Variants in PPM1H observed in about 807,000 individuals in gnomAD.
The protein encoded by PPM1H is protein phosphatase 1H.
In PPM1H, 27 loss-of-function variants were observed where a neutral mutation model predicts 54.9. That is an observed-to-expected ratio of 0.49 (90% CI 0.36 to 0.68). The LOEUF (loss-of-function observed/expected upper bound fraction) is 0.68, where lower values mean the gene tolerates loss of function less well. Ranked by LOEUF, PPM1H falls within the 30% of genes least tolerant of loss-of-function variation. The probability of loss-of-function intolerance (pLI) is 0.00; values close to 1 mark genes in which losing one functional copy is unlikely to be tolerated. For missense variants in PPM1H, 596 were observed against 667.8 expected (o/e 0.89, Z 1.19); for synonymous variants, 305 against 270.8 (o/e 1.13, Z -1.24).
intron 5 of PPM1H, among the ~76,000 whole-genome samples, chr12:62,721,874 A>T (rs2076265723): frequency 6.6e-6 from 1 of 152,084 alleles, no homozygotes; most frequent in African/African-American, 2.4e-5. Flanking sequence ...TGATTATTGA[A>T]TCCTATTATA....
At chr12:62,754,176 T>C (rs1435574687) in intron 4 of PPM1H, among the ~76,000 whole-genome samples, 1 of 152,234 alleles carries the variant, frequency 6.6e-6, no homozygotes, top group Non-Finnish European at 1.5e-5. Context: ...GAGATGTGGC[T>C]GTGGCCAAAG....
chr12:62,785,491 T>C (rs1164320764), intron 4 of PPM1H, among the ~76,000 whole-genome samples: 1 of 152,248 alleles, frequency 6.6e-6, no homozygotes, highest in East Asian at 1.9e-4. Context: ...CATCATACTT[T>C]TATGAACACT....
chr12:62,906,914 T>C (rs1251722409), intron 1 of PPM1H, among the ~76,000 whole-genome samples: 3 of 152,154 alleles, frequency 2.0e-5, no homozygotes, highest in Non-Finnish European at 4.4e-5. Flanking sequence ...GAATCTGAAA[T>C]GATGAAGAAT....
At position 62,677,879 on chromosome 12, in the gene PPM1H, C is replaced by T. The variant is rs115370077; in HGVS notation, c.1246-10550G>A. 8.9e-3 allele frequency among the ~76,000 whole-genome samples: 1,363 copies of T among 152,340 alleles called. 23 individuals carry two copies. Among genetic ancestry groups the T allele is most frequent in the African/African-American group, 0.031 (1,299 of 41,572 alleles). ...CAGAATTATCCAAAATGTAAAAATGCTCAGAACTCATCCCAGATCTAGTGA... is the reference window on the plus strand; with the variant it reads ...CAGAATTATCCAAAATGTAAAAATGTTCAGAACTCATCCCAGATCTAGTGA... On this transcript the variant is annotated intron_variant, in intron 8 of 9. Transcript: ENST00000228705.
intron 1 of PPM1H, among the ~76,000 whole-genome samples, chr12:62,905,547 T>C (rs895141870): frequency 4.6e-5 from 7 of 152,204 alleles, no homozygotes; most frequent in Admixed American, 3.3e-4. Flanking sequence ...AGAGTATCCA[T>C]TCCACTTTAT....
chr12:62,658,246 G>A (rs1050164113), intron 9 of PPM1H, among the ~76,000 whole-genome samples: 2 of 140,062 alleles, frequency 1.4e-5, no homozygotes, highest in African/African-American at 2.7e-5. Flanking sequence ...ACAGTTTTGG[G>A]GAAATGAAGC....
intron 2 of PPM1H, among the ~76,000 whole-genome samples, chr12:62,812,849 A>G (rs1489506909): frequency 2.0e-5 from 3 of 150,956 alleles, no homozygotes; most frequent in African/African-American, 7.3e-5. Context: ...GATTGTTCCA[A>G]ACAGAAATCT....
At chr12:62,664,590 T>C (rs934051628) in intron 9 of PPM1H, among the ~76,000 whole-genome samples, 11 of 152,226 alleles carry the variant, frequency 7.2e-5, no homozygotes, top group African/African-American at 2.7e-4. Context: ...GCTATTTTTA[T>C]GCAATATTTT....
chr12:62,767,947 A>T (rs2076554025), intron 4 of PPM1H, among the ~76,000 whole-genome samples: 1 of 152,082 alleles, frequency 6.6e-6, no homozygotes, highest in Admixed American at 6.6e-5. Flanking sequence ...AAGTCCAGTC[A>T]CTGGATTTAG....
intron 5 of PPM1H, among the ~76,000 whole-genome samples, chr12:62,731,911 C>T (rs2076323073): frequency 6.6e-6 from 1 of 152,156 alleles, no homozygotes; most frequent in Non-Finnish European, 1.5e-5. Context: ...GGGGTGATTT[C>T]CTTGAGGCCA....
At chr12:62,884,143 T>A (rs750844337) in intron 1 of PPM1H, among the ~76,000 whole-genome samples, 2 of 151,168 alleles carry the variant, frequency 1.3e-5, no homozygotes, top group Non-Finnish European at 2.9e-5. Context: ...ATCAGTGAGA[T>A]GAAATCTCTT....
chr12:62,665,826 T>C (rs2075914994), intron 9 of PPM1H, among the ~76,000 whole-genome samples: 1 of 152,090 alleles, frequency 6.6e-6, no homozygotes, highest in Admixed American at 6.6e-5. Flanking sequence ...CTGCAACCAC[T>C]GCCTCCTGGG....
At chr12:62,737,244 A>T (rs989005002) in intron 5 of PPM1H, among the ~76,000 whole-genome samples, 2 of 151,900 alleles carry the variant, frequency 1.3e-5, no homozygotes, top group African/African-American at 4.8e-5. Context: ...AAAAAAAACA[A>T]AACCAGAGCA....
At chr12:62,831,889 T>C (rs566962807) in intron 2 of PPM1H, among the ~76,000 whole-genome samples, 81 of 151,990 alleles carry the variant, frequency 5.3e-4, no homozygotes, top group Admixed American at 2.4e-3. Flanking sequence ...TGTGGGTGTT[T>C]CATTTACTTT....
chr12:62,678,537 T>C (rs995348352), intron 8 of PPM1H, among the ~76,000 whole-genome samples: 2 of 152,104 alleles, frequency 1.3e-5, no homozygotes, highest in East Asian at 3.9e-4. Context: ...ATTGGCCAAA[T>C]GAGAACAAGC....
At chr12:62,673,316 C>A (rs1354022961) in intron 8 of PPM1H, among the ~76,000 whole-genome samples, 1 of 152,208 alleles carries the variant, frequency 6.6e-6, no homozygotes, top group East Asian at 1.9e-4. Flanking sequence ...TACAGCACCT[C>A]CACTTAGTGC....
At chr12:62,678,137 G>A (rs1298479430) in intron 8 of PPM1H, among the ~76,000 whole-genome samples, 1 of 152,150 alleles carries the variant, frequency 6.6e-6, no homozygotes, top group East Asian at 1.9e-4. Context: ...TTTAGAGACA[G>A]GGTCTCACTA....
chr12:62,809,846 C>G (rs1380662889), intron 2 of PPM1H, among the ~76,000 whole-genome samples: 3 of 152,176 alleles, frequency 2.0e-5, no homozygotes, highest in Non-Finnish European at 4.4e-5. Flanking sequence ...TCTCTTCTAA[C>G]TCTCAGTGAC....
chr12:62,666,859 G>A (rs1025094400), intron 9 of PPM1H, among the ~76,000 whole-genome samples: 1 of 152,082 alleles, frequency 6.6e-6, no homozygotes, highest in Non-Finnish European at 1.5e-5. Flanking sequence ...GATTACAGGT[G>A]CCCACCACCA....
Sources: allele counts gnomAD v4.1 joint callset (sites outside exome capture counted in the v4.1 genomes callset), GRCh38; gene constraint gnomAD v4.1.1; transcripts MANE v1.5; gene names NCBI Gene and HGNC (gene_info 2026-07-23, HGNC 2026-07-21).